The following GABPB1 variants were observed in gnomAD, a reference collection of about 807,000 sequenced individuals.
GABPB1 encodes GA binding protein transcription factor subunit beta 1, also known as GA-binding protein subunit beta-1.
Under a neutral mutation model 45.9 loss-of-function variants are expected in GABPB1, and 15 were observed. That is an observed-to-expected ratio of 0.33 (90% CI 0.22 to 0.50). The LOEUF (loss-of-function observed/expected upper bound fraction) is 0.50. Ranked by LOEUF, GABPB1 falls within the 20% of genes least tolerant of loss-of-function variation. The pLI is 0.98. For synonymous variants in GABPB1, 143 were observed against 154.4 expected (o/e 0.93, Z 0.55); for missense variants, 252 against 457.5 (o/e 0.55, Z 4.10).
Position 50,278,620 on chromosome 15 carries a change from T to G in GABPB1, c.*12A>C. 6.2e-7 allele frequency: 1 copy of G among 1,608,148 alleles called. No individual in the cohort carries two copies. Among genetic ancestry groups the G allele is most frequent in the Non-Finnish European group, 8.5e-7 (1 of 1,177,930 alleles). ...TGACCAAAAGTAAAATCAAACTACA[T>G]GTTCATTTCAATTAAACAGCTTCTT... On this transcript the variant is annotated 3_prime_UTR_variant, in exon 9 of 9. Transcript: ENST00000380877.
chr15:50,325,128 T>G (rs1440983278), intron 1 of GABPB1, among the ~76,000 whole-genome samples: 1 of 152,042 alleles, frequency 6.6e-6, no homozygotes, highest in African/African-American at 2.4e-5. Flanking sequence ...AAAGGTGAAG[T>G]CAGTACAGGA....
At chr15:50,323,299 C>T (rs1187774541) in intron 1 of GABPB1, among the ~76,000 whole-genome samples, 2 of 152,170 alleles carry the variant, frequency 1.3e-5, no homozygotes, top group Admixed American at 1.3e-4. Flanking sequence ...CTTGGTACTG[C>T]AGTAGTTCCT....
chr15:50,299,547 G>A (rs936561592), intron 6 of GABPB1, among the ~76,000 whole-genome samples: 1 of 152,032 alleles, frequency 6.6e-6, no homozygotes, highest in Admixed American at 6.6e-5. Flanking sequence ...TTACAGGCAT[G>A]GGCCACTACG....
At position 50,275,819 on chromosome 15, in the gene GABPB1, T is replaced by G. The variant is rs535539456; in HGVS notation, c.*2813A>C. ...TAAAATAAATAACAATAAATGAAAA[T>G]TAGTTGAGAAGCACAGTCCCTGCAG... On this transcript the variant is annotated 3_prime_UTR_variant, in exon 9 of 9. Transcript: ENST00000380877. 1 of 152,126 alleles carries G rather than the reference T, an allele frequency of 6.6e-6. No homozygotes were observed. Among genetic ancestry groups the G allele is most frequent in the South Asian group, 2.1e-4 (1 of 4,822 alleles). 9.4% of individuals were successfully genotyped at this position (152,126 alleles called of 1,614,324 possible).
intron 2 of GABPB1, among the ~76,000 whole-genome samples, chr15:50,308,488 A>G (rs2047019978): frequency 6.6e-6 from 1 of 152,214 alleles, no homozygotes; most frequent in Non-Finnish European, 1.5e-5. Context: ...GGGCAGGAGC[A>G]GACAGGAGGA....
chr15:50,339,822 A>G (rs1334805378), intron 1 of GABPB1, among the ~76,000 whole-genome samples: 1 of 152,240 alleles, frequency 6.6e-6, no homozygotes, highest in Non-Finnish European at 1.5e-5. Flanking sequence ...GTCAGTTAGC[A>G]TGTCCAGAAC....
chr15:50,309,048 GAGAA>G (rs1216395371), intron 2 of GABPB1, among the ~76,000 whole-genome samples: 3 of 152,096 alleles, frequency 2.0e-5, no homozygotes, highest in Non-Finnish European at 4.4e-5. Context: ...AATGTAAAAA[GAGAA>G]AGAAAGGCAA....
At chr15:50,286,402 TA>T (rs1016800377) in intron 7 of GABPB1, among the ~76,000 whole-genome samples, 1 of 152,036 alleles carries the variant, frequency 6.6e-6, no homozygotes, top group Non-Finnish European at 1.5e-5. Context: ...TACCTACAAA[TA>T]TTTTTTTAAT....
At chr15:50,325,766 C>T (rs887860265) in intron 1 of GABPB1, among the ~76,000 whole-genome samples, 2 of 151,882 alleles carry the variant, frequency 1.3e-5, no homozygotes, top group South Asian at 2.1e-4. Flanking sequence ...CTCCTAACCT[C>T]GTGATCTGCC....
chr15:50,306,428 G>A (rs1242324570), intron 2 of GABPB1, among the ~76,000 whole-genome samples: 3 of 152,082 alleles, frequency 2.0e-5, no homozygotes, highest in Admixed American at 6.5e-5. Context: ...TCAGGAGTTC[G>A]AGACCAGCCT....
At chr15:50,283,235 T>C (rs991845325) in intron 8 of GABPB1, among the ~76,000 whole-genome samples, 10 of 152,278 alleles carry the variant, frequency 6.6e-5, no homozygotes, top group East Asian at 3.9e-4. Flanking sequence ...CTAACGTTTA[T>C]TTTTGGAAAT....
chr15:50,329,637 C>A (rs12594956), intron 1 of GABPB1, among the ~76,000 whole-genome samples: 95,155 of 151,896 alleles, frequency 0.63, 30,823 homozygotes, highest in African/African-American at 0.77. Flanking sequence ...ACATGGATAC[C>A]ATTGTTCAAG....
At chr15:50,295,546 C>T (rs1200119074) in intron 6 of GABPB1, among the ~76,000 whole-genome samples, 1 of 151,570 alleles carries the variant, frequency 6.6e-6, no homozygotes, top group African/African-American at 2.4e-5. Flanking sequence ...AATGTGATTG[C>T]TTCTGTATAC....
intron 1 of GABPB1, among the ~76,000 whole-genome samples, chr15:50,314,103 G>C (rs918841550): frequency 1.3e-5 from 2 of 152,074 alleles, no homozygotes; most frequent in African/African-American, 4.8e-5. Context: ...ACATATCACA[G>C]TTTAGGACCT....
intron 6 of GABPB1, among the ~76,000 whole-genome samples, chr15:50,290,081 T>A (rs1404979821): frequency 1.3e-5 from 2 of 152,120 alleles, no homozygotes; most frequent in African/African-American, 4.8e-5. Context: ...CCTGCTTCTT[T>A]CTTACCCAGG....
chr15:50,291,849 T>C (rs2046351973), intron 6 of GABPB1, among the ~76,000 whole-genome samples: 1 of 150,088 alleles, frequency 6.7e-6, no homozygotes, highest in African/African-American at 2.5e-5. Context: ...GCCTGGGAGG[T>C]TGAGGCTGCA....
intron 2 of GABPB1, among the ~76,000 whole-genome samples, chr15:50,305,907 G>A (rs1424103611): frequency 3.3e-5 from 5 of 151,878 alleles, no homozygotes; most frequent in Admixed American, 6.6e-5. Flanking sequence ...TCAGCCTCCC[G>A]AAGTGCTGGG....
At chr15:50,342,135 C>T (rs535934174) in intron 1 of GABPB1, among the ~76,000 whole-genome samples, 5 of 152,312 alleles carry the variant, frequency 3.3e-5, no homozygotes, top group African/African-American at 9.6e-5. Context: ...TCCCTCCAAA[C>T]GCAGTTCAGA....
intron 1 of GABPB1, among the ~76,000 whole-genome samples, chr15:50,343,144 C>A (rs997492649): frequency 3.3e-5 from 5 of 152,152 alleles, no homozygotes; most frequent in Non-Finnish European, 1.5e-5. Context: ...CGTGATCCAC[C>A]CGCCTCGGCC....
Sources: allele counts gnomAD v4.1 joint callset (sites outside exome capture counted in the v4.1 genomes callset), GRCh38; gene constraint gnomAD v4.1.1; transcripts MANE v1.5; gene names NCBI Gene and HGNC (gene_info 2026-07-23, HGNC 2026-07-21).